The following AFF4 variants were observed in gnomAD, a reference collection of about 807,000 sequenced individuals.
The protein encoded by AFF4 is AF4/FMR2 family member 4.
Under a neutral mutation model 124.8 loss-of-function variants are expected in AFF4, and 13 were observed. The ratio of observed to expected loss-of-function variants is 0.10; its 90% confidence interval spans 0.07 to 0.17. The LOEUF (loss-of-function observed/expected upper bound fraction) is 0.17. Ranked by LOEUF, AFF4 falls within the 10% of genes least tolerant of loss-of-function variation. The probability of loss-of-function intolerance (pLI) is 1.00; values close to 1 mark genes in which losing one functional copy is unlikely to be tolerated. For missense variants in AFF4, 1,092 were observed against 1,403.8 expected, an observed-to-expected ratio of 0.78 and a Z score of 3.55; for synonymous variants, 477 against 496.1, an observed-to-expected ratio of 0.96 and a Z score of 0.51.
chr5:132,927,259 A>T (rs772539629), intron 4 of AFF4, 52 bp from the exon 5 acceptor site: 1 of 1,520,192 alleles, frequency 6.6e-7, no homozygotes, highest in South Asian at 1.2e-5. Flanking sequence ...GATAAAAATT[A>T]TACAGCTAAA....
chr5:132,910,293 A>G (rs1439150693), intron 5 of AFF4, among the ~76,000 whole-genome samples: 2 of 152,222 alleles, frequency 1.3e-5, no homozygotes, highest in Admixed American at 1.3e-4. Flanking sequence ...CAGCTCCCCA[A>G]TATGATCCTA....
chr5:132,931,311 C>G (rs925706834), intron 4 of AFF4, among the ~76,000 whole-genome samples: 1 of 152,044 alleles, frequency 6.6e-6, no homozygotes, highest in Non-Finnish European at 1.5e-5. Context: ...CACCTGTAAT[C>G]CCAGCTACTC....
intron 1 of AFF4, among the ~76,000 whole-genome samples, chr5:132,956,947 G>T (rs1304745231): frequency 2.1e-5 from 3 of 143,844 alleles, no homozygotes; most frequent in African/African-American, 7.7e-5. Context: ...TTGAACCTGG[G>T]AGGTGAAGGT....
intron 1 of AFF4, among the ~76,000 whole-genome samples, chr5:132,956,689 G>A (rs1761967240): frequency 6.7e-6 from 1 of 149,596 alleles, no homozygotes; most frequent in African/African-American, 2.5e-5. Flanking sequence ...CTAAAATATT[G>A]ACTTGCTAAA....
At chr5:132,944,713 T>C (rs1366642151) in intron 1 of AFF4, among the ~76,000 whole-genome samples, 1 of 151,894 alleles carries the variant, frequency 6.6e-6, no homozygotes, top group Non-Finnish European at 1.5e-5. Flanking sequence ...GCGGACAACC[T>C]GAGGTCAGGA....
At chr5:132,947,748 C>G (rs1227798614) in intron 1 of AFF4, among the ~76,000 whole-genome samples, 1 of 152,134 alleles carries the variant, frequency 6.6e-6, no homozygotes, top group East Asian at 1.9e-4. Context: ...TTTCTCTACC[C>G]ATGAGACAGT....
Position 132,963,394 on chromosome 5 carries a change from G to A in AFF4, c.-140C>T. The A allele has an allele frequency of 2.5e-6, 1 of 398,168 alleles. No individual in the cohort carries two copies. The highest frequency in any genetic ancestry group is 4.4e-6 in the Non-Finnish European group (1 of 225,722). The allele number at this position is 398,168 out of a possible 1,614,324, so 24.7% of individuals were successfully genotyped here. A position where few individuals can be genotyped will look rare whatever the true frequency, so the allele number is the denominator to read the frequency against. On this transcript the variant is annotated 5_prime_UTR_variant, in exon 1 of 21. Transcript: ENST00000265343. Reference sequence around the variant, plus strand: ...AGGCTGCCAAGGGCGAGGGGCTCCGGGAGGCGGCGGGGGTTCCGGAGGCCT... The same window carrying A: ...AGGCTGCCAAGGGCGAGGGGCTCCGAGAGGCGGCGGGGGTTCCGGAGGCCT...
At chr5:132,929,914 T>C (rs1761261971) in intron 4 of AFF4, among the ~76,000 whole-genome samples, 1 of 152,148 alleles carries the variant, frequency 6.6e-6, no homozygotes, top group Non-Finnish European at 1.5e-5. Context: ...TTATAATTAC[T>C]GAAGCTCAAG....
Position 132,875,872 on chromosome 5 carries a change from T to C in AFF4, c.*5187A>G, listed in dbSNP as rs980066040. On this transcript the variant is annotated 3_prime_UTR_variant, in exon 21 of 21. Transcript: ENST00000265343. ...ATGTAAAACAAAGATTTGGTTCATG[T>C]ACAAAACAAAGGCATCCTTATCAGT... 2 of 223,652 alleles carry C rather than the reference T, an allele frequency of 8.9e-6. No individual in the cohort carries two copies. Among genetic ancestry groups the C allele is most frequent in the African/African-American group, 4.4e-5 (2 of 44,952 alleles). 13.9% of individuals were successfully genotyped at this position (223,652 alleles called of 1,614,324 possible). A position where few individuals can be genotyped will look rare whatever the true frequency, so the allele number is the denominator to read the frequency against.
chr5:132,913,572 T>G (rs1351049145), intron 5 of AFF4, among the ~76,000 whole-genome samples: 1 of 152,158 alleles, frequency 6.6e-6, no homozygotes, highest in Non-Finnish European at 1.5e-5. Flanking sequence ...GCCTCCTGAG[T>G]AGTTGCAACT....
chr5:132,945,477 C>A (rs1479404483), intron 1 of AFF4: 1 of 152,318 alleles, frequency 6.6e-6, no homozygotes, highest in Non-Finnish European at 1.5e-5. Flanking sequence ...CAACACTGGG[C>A]ATGGTGGGTC....
intron 5 of AFF4, among the ~76,000 whole-genome samples, chr5:132,919,176 G>A (rs1325531304): frequency 2.0e-5 from 3 of 152,120 alleles, no homozygotes; most frequent in Non-Finnish European, 4.4e-5. Flanking sequence ...GTGAGCCACT[G>A]TGCCCAGCCT....
At chr5:132,897,608 G>T (rs890954587) in intron 10 of AFF4, among the ~76,000 whole-genome samples, 29 of 152,210 alleles carry the variant, frequency 1.9e-4, no homozygotes, top group African/African-American at 6.3e-4. Context: ...TACTCAGGAG[G>T]CTGAGGCAGG....
intron 13 of AFF4, among the ~76,000 whole-genome samples, chr5:132,891,227 T>C (rs1353272899): frequency 2.0e-5 from 3 of 152,090 alleles, no homozygotes; most frequent in African/African-American, 7.2e-5. Flanking sequence ...AAAGAGGTTG[T>C]TCAGCTAGAG....
intron 1 of AFF4, chr5:132,943,722 T>C: frequency 3.4e-6 from 1 of 296,114 alleles, no homozygotes; most frequent in Admixed American, 4.0e-5. Flanking sequence ...ATCATGGCAA[T>C]GTTGCTGGTG....
At chr5:132,931,768 C>A (rs1222468764) in intron 4 of AFF4, among the ~76,000 whole-genome samples, 1 of 152,106 alleles carries the variant, frequency 6.6e-6, no homozygotes, top group Admixed American at 6.5e-5. Flanking sequence ...CCAGCCTGGC[C>A]ACCCCAACTC....
chr5:132,960,902 A>G (rs1433457160), intron 1 of AFF4, among the ~76,000 whole-genome samples: 2 of 152,082 alleles, frequency 1.3e-5, no homozygotes, highest in African/African-American at 4.8e-5. Context: ...AGTGCAAAAC[A>G]TATAGTAGGC....
chr5:132,954,751 T>G (rs899924350), intron 1 of AFF4, among the ~76,000 whole-genome samples: 40 of 151,562 alleles, frequency 2.6e-4, no homozygotes, highest in African/African-American at 9.0e-4. Context: ...GTTTCACCGT[T>G]TTAGCCAGGA....
rs1173786586 is a variant in AFF4 at position 132,896,666 on chromosome 5, T to C, written c.1964A>G (p.Glu655Gly). The change falls in exon 11 of 21, where the codon GAA (glutamate) becomes GGA (glycine). Residue 655 changes from glutamate (E) to glycine (G), a missense_variant. By Grantham distance (98) the Glu-to-Gly change is moderately conservative (BLOSUM62 -2). This residue lies in a region of AFF4 where 174 missense variants were observed against 205.9 expected (regional missense o/e 0.84). Transcript: ENST00000265343. Reference protein sequence around the residue: ...ETDTSSSDSDESESLPPSSQT... With the variant: ...ETDTSSSDSDGSESLPPSSQT... ...TGAGGAAGGAGGAAGGCTCTCACTTTCATCTGAATCTGAGGATGAGGTATC... is the reference window on the plus strand; with the variant it reads ...TGAGGAAGGAGGAAGGCTCTCACTTCCATCTGAATCTGAGGATGAGGTATC... The C allele has an allele frequency of 1.3e-5, 21 of 1,613,968 alleles. No individual in the cohort carries two copies. The South Asian group carries it at 2.3e-4, about 18-fold the overall frequency.
Sources: gnomAD v4.1 joint callset for allele counts (sites outside exome capture counted in the v4.1 genomes callset) on GRCh38, gnomAD v4.1.1 for gene constraint, gnomAD v4.1.1 regional missense constraint, MANE v1.5 for transcripts, NCBI Gene and HGNC (gene_info 2026-07-23, HGNC 2026-07-21) for gene names.